The following CNBP variants were observed in gnomAD, a reference collection of about 807,000 sequenced individuals.
The protein encoded by CNBP is CCHC-type zinc finger nucleic acid binding protein.
CNBP carries 6 observed loss-of-function variants against 21.2 expected under a neutral mutation model. The ratio of observed to expected loss-of-function variants is 0.28; its 90% CI spans 0.16 to 0.56. CNBP has a LOEUF of 0.56. Among genes scored for constraint, CNBP ranks in the 20% least tolerant of loss-of-function variants. The probability of loss-of-function intolerance (pLI) is 0.93; values close to 1 mark genes in which losing one functional copy is unlikely to be tolerated. For missense variants in CNBP, 112 were observed against 233.1 expected (o/e 0.48, Z 3.38); for synonymous variants, 61 against 74.9 (o/e 0.81, Z 0.96).
intron 1 of CNBP, 115 bp from the exon 2 acceptor site, chr3:129,171,886 G>A: frequency 2.5e-6 from 3 of 1,180,386 alleles, no homozygotes; most frequent in Non-Finnish European, 3.5e-6. Flanking sequence ...CTAATATATT[G>A]GTTAAAAAAA....
chr3:129,170,619 T>G (rs771836206), intron 4 of CNBP, 49 bp from the exon 5 acceptor site: 1 of 1,449,608 alleles, frequency 6.9e-7, no homozygotes, highest in South Asian at 1.1e-5. Context: ...AAAAAAACTG[T>G]CTACCAAAGC....
intron 1 of CNBP, among the ~76,000 whole-genome samples, chr3:129,177,211 A>G (rs1367349798): frequency 6.6e-6 from 1 of 152,202 alleles, no homozygotes; most frequent in East Asian, 1.9e-4. Context: ...TTTGCTAAAA[A>G]CCACTAATAT....
chr3:129,181,625 G>C (rs1938299655), intron 1 of CNBP, among the ~76,000 whole-genome samples: 1 of 88,152 alleles, frequency 1.1e-5, no homozygotes, highest in African/African-American at 4.6e-5. Context: ...ACTCCAGCTT[G>C]GGCGACAGAG....
chr3:129,180,981 T>C (rs975952483), intron 1 of CNBP, among the ~76,000 whole-genome samples: 1 of 152,062 alleles, frequency 6.6e-6, no homozygotes, highest in African/African-American at 2.4e-5. Context: ...GGCTCAGGCC[T>C]GTAATCCCAG....
chr3:129,169,431 T>G lies in CNBP; in HGVS notation c.*1022A>C, dbSNP rs1937530579. On this transcript the variant is annotated 3_prime_UTR_variant, in exon 5 of 5. Transcript: ENST00000422453. ...CCCATACATCCTTTTAACAGCAATTTTCATTATTGAAGACATGACTTAAGT... is the reference window on the plus strand; with the variant it reads ...CCCATACATCCTTTTAACAGCAATTGTCATTATTGAAGACATGACTTAAGT... 5.2e-6 allele frequency: 1 copy of G among 193,046 alleles called. No homozygotes were observed. The highest frequency in any genetic ancestry group is 1.1e-5 in the Non-Finnish European group (1 of 92,520). 12.0% of individuals were successfully genotyped at this position (193,046 alleles called of 1,614,324 possible).
intron 1 of CNBP, among the ~76,000 whole-genome samples, chr3:129,180,287 G>C (rs1938208825): frequency 1.3e-5 from 2 of 152,026 alleles, no homozygotes; most frequent in South Asian, 2.1e-4. Flanking sequence ...CTTTTTAAAA[G>C]ATCTACAGTC....
chr3:129,175,938 G>C lies in CNBP; in HGVS notation c.-14-4167C>G, dbSNP rs1054149037. Among the ~76,000 whole-genome samples the C allele has an allele frequency of 2.0e-5, 3 of 152,260 alleles. No individual in the cohort carries two copies. In the East Asian group the frequency reaches 5.8e-4, roughly 29 times the overall value. On this transcript the variant is annotated intron_variant, in intron 1 of 4. Coordinates refer to ENST00000422453, the MANE Select transcript of CNBP (RefSeq NM_003418.5). ...TCCCTTTGGCTAACCCTATCGCAGT[G>C]AATCAGGTGGTCTACAGTTTCACTG...
At chr3:129,180,948 T>A (rs1489380496) in intron 1 of CNBP, among the ~76,000 whole-genome samples, 1 of 151,774 alleles carries the variant, frequency 6.6e-6, no homozygotes, top group African/African-American at 2.4e-5. Context: ...AAAAGACAAG[T>A]AGAATTGTTG....
At chr3:129,180,684 C>T (rs1282168490) in intron 1 of CNBP, among the ~76,000 whole-genome samples, 1 of 152,062 alleles carries the variant, frequency 6.6e-6, no homozygotes, top group Non-Finnish European at 1.5e-5. Flanking sequence ...CTCCACATAG[C>T]AGGCCAGGAT....
At position 129,170,308 on chromosome 3, in the gene CNBP, C is replaced by A. The variant is rs1238908983; in HGVS notation, c.*145G>T. 1.4e-6 allele frequency: 1 copy of A among 690,326 alleles called. No individual in the cohort carries two copies. The highest frequency in any genetic ancestry group is 1.8e-5 in the South Asian group (1 of 55,072). The allele number at this position is 690,326 out of a possible 1,614,324, so 42.8% of individuals were successfully genotyped here. On this transcript the variant is annotated 3_prime_UTR_variant, in exon 5 of 5. Coordinates refer to ENST00000422453, the MANE Select transcript of CNBP (RefSeq NM_003418.5). ...TTAAATGCAGAAAGTCGGTTTTTTT[C>A]CACCCCTTTCCTCCTTTTACACGGC...
At chr3:129,174,022 T>C (rs1657623927) in intron 1 of CNBP, among the ~76,000 whole-genome samples, 1 of 152,098 alleles carries the variant, frequency 6.6e-6, no homozygotes. Flanking sequence ...CATTGTCAAA[T>C]ATACAAAAGA....
chr3:129,178,158 C>CAAAAAAAAAAAAAA, intron 1 of CNBP, among the ~76,000 whole-genome samples: 1 of 103,894 alleles, frequency 9.6e-6, no homozygotes, highest in Non-Finnish European at 1.8e-5. Flanking sequence ...GACTCTGTCT[C>CAAAAAAAAAAAAAA]AAAAAAAAAA....
intron 1 of CNBP, among the ~76,000 whole-genome samples, chr3:129,183,416 C>T (rs553619336): frequency 9.8e-4 from 150 of 152,366 alleles, no homozygotes; most frequent in South Asian, 3.3e-3. Flanking sequence ...CCAAATCCAC[C>T]CTCGGTCCCT....
intron 1 of CNBP, among the ~76,000 whole-genome samples, chr3:129,172,577 C>T (rs565222597): frequency 3.5e-3 from 45 of 12,950 alleles, no homozygotes; most frequent in Non-Finnish European, 0.011. Flanking sequence ...GTGAGACAGA[C>T]AGGCAGGCAG....
In CNBP at chr3:129,170,335, A is replaced by G; in HGVS notation, c.*118T>C. 1 of 816,066 alleles carries G rather than the reference A, an allele frequency of 1.2e-6. No homozygotes were observed. Among genetic ancestry groups the G allele is most frequent in the Non-Finnish European group, 2.1e-6 (1 of 484,482 alleles). 50.6% of individuals were successfully genotyped at this position (816,066 alleles called of 1,614,324 possible). ...ACCCCTTTCCTCCTTTTACACGGCAAGTAAAGCTCACTGGCCTGGGAGTTG... is the reference window on the plus strand; with the variant it reads ...ACCCCTTTCCTCCTTTTACACGGCAGGTAAAGCTCACTGGCCTGGGAGTTG... On this transcript the variant is annotated 3_prime_UTR_variant, in exon 5 of 5. Transcript: ENST00000422453.
At chr3:129,177,388 C>T (rs553538563) in intron 1 of CNBP, among the ~76,000 whole-genome samples, 126 of 152,284 alleles carry the variant, frequency 8.3e-4, no homozygotes, top group African/African-American at 3.0e-3. Context: ...TAACTACTTG[C>T]TGTGTTACCT....
intron 1 of CNBP, among the ~76,000 whole-genome samples, chr3:129,182,189 A>G (rs1013547906): frequency 1.5e-4 from 23 of 152,232 alleles, no homozygotes; most frequent in Admixed American, 4.6e-4. Context: ...GTTTCACTCC[A>G]AAATTGGGTC....
At position 129,183,812 on chromosome 3, in the gene CNBP, C is replaced by G. The variant is rs1274208982; in HGVS notation, c.-51G>C. On this transcript the variant is annotated 5_prime_UTR_variant, in exon 1 of 5. Coordinates refer to ENST00000422453, the MANE Select transcript of CNBP (RefSeq NM_003418.5). ...GAGCGGGCCCGCAGCGGCGGAGACT[C>G]GGACGCAGGCCTGGGGAAGACGGCT... The G allele has an allele frequency of 6.5e-6, 1 of 152,888 alleles. No homozygotes were observed. The highest frequency in any genetic ancestry group is 1.5e-5 in the Non-Finnish European group (1 of 68,208). The allele number at this position is 152,888 out of a possible 1,614,324, so 9.5% of individuals were successfully genotyped here.
chr3:129,178,304 A>C (rs1260519943), intron 1 of CNBP, among the ~76,000 whole-genome samples: 2 of 152,188 alleles, frequency 1.3e-5, no homozygotes, highest in Non-Finnish European at 2.9e-5. Flanking sequence ...TAGTATACTA[A>C]TTTGTCTTCC....
Sources: allele counts gnomAD v4.1 joint callset (sites outside exome capture counted in the v4.1 genomes callset), GRCh38; gene constraint gnomAD v4.1.1; transcripts MANE v1.5; gene names NCBI Gene and HGNC (gene_info 2026-07-23, HGNC 2026-07-21).